Variants in METTL3 observed in about 807,000 individuals in gnomAD.
The protein encoded by METTL3 is N(6)-adenosine-methyltransferase catalytic subunit METTL3.
METTL3 carries 42 observed loss-of-function variants against 64.3 expected under a neutral mutation model. The ratio of observed to expected loss-of-function variants is 0.65; its 90% CI spans 0.51 to 0.84. The LOEUF (loss-of-function observed/expected upper bound fraction) is 0.84. Among genes scored for constraint, METTL3 ranks in the 40% least tolerant of loss-of-function variants. The probability of loss-of-function intolerance (pLI) is 0.00; values close to 1 mark genes in which losing one functional copy is unlikely to be tolerated. For synonymous variants in METTL3, 256 were observed against 263.6 expected, an observed-to-expected ratio of 0.97 and a Z score of 0.28; for missense variants, 435 against 722.3, an observed-to-expected ratio of 0.60 and a Z score of 4.56.
At position 21,503,517 on chromosome 14, in the gene METTL3, C is replaced by A; in HGVS notation, c.379G>T (p.Glu127Ter). The change falls in exon 3 of 11, where the codon GAG becomes TAG. Residue 127 changes from glutamate to a stop codon, truncating the protein, a stop_gained. Coordinates refer to ENST00000298717, the MANE Select transcript of METTL3 (RefSeq NM_019852.5). LOFTEE classifies it high-confidence loss of function. Reference protein sequence around the residue: ...ESLLQKFAAQELIEVKRGLLQ... With the variant: ...ESLLQKFAAQ Reference sequence around the variant, plus strand: ...AGACCTCGCTTTACCTCAATCAACTCCTGAGCTGCAAACTTCTGCAGGAGG... The same window carrying A: ...AGACCTCGCTTTACCTCAATCAACTACTGAGCTGCAAACTTCTGCAGGAGG... The A allele has an allele frequency of 1.9e-6, 3 of 1,612,042 alleles. No individual in the cohort carries two copies. The highest frequency in any genetic ancestry group is 2.5e-6 in the Non-Finnish European group (3 of 1,180,012).
chr14:21,498,445 C>T (rs539430422), intron 10 of METTL3, 76 bp from the exon 11 acceptor site: 1 of 1,352,120 alleles, frequency 7.4e-7, no homozygotes, highest in African/African-American at 1.4e-5. Context: ...AAATGCATAC[C>T]AAATGAAGAC....
In METTL3 at chr14:21,501,623, A is replaced by C. The variant is rs926643534; in HGVS notation, c.899+105T>G. 1.1e-4 allele frequency: 157 copies of C among 1,448,366 alleles called. 2 individuals carry two copies. In the East Asian group the frequency reaches 3.6e-3, roughly 34 times the overall value. The allele number at this position is 1,448,366 out of a possible 1,614,324, so 89.7% of individuals were successfully genotyped here. A position where few individuals can be genotyped will look rare whatever the true frequency, so the allele number is the denominator to read the frequency against. ...GTCTGGAGGACTTACACAAACCATA[A>C]ACTAAATAAGATTACAGACAGAACC... On this transcript the variant is annotated intron_variant, in intron 4 of 10. Coordinates refer to ENST00000298717, the MANE Select transcript of METTL3 (RefSeq NM_019852.5).
At position 21,499,296 on chromosome 14, in the gene METTL3, A is replaced by C. The variant is rs1891496248; in HGVS notation, c.1518+10T>G. The C allele has an allele frequency of 6.2e-7, 1 of 1,614,174 alleles. No individual in the cohort carries two copies. Among genetic ancestry groups the C allele is most frequent in the South Asian group, 1.1e-5 (1 of 91,084 alleles). On this transcript the variant is annotated intron_variant, in intron 9 of 10. Transcript: ENST00000298717. ...AATGTGGAAGCTTTGGAGGCCTGGG[A>C]AGCACATACCTCAGCTACGATCACA...
chr14:21,506,865 C>T (rs1255664837), intron 1 of METTL3, among the ~76,000 whole-genome samples: 1 of 151,932 alleles, frequency 6.6e-6, no homozygotes, highest in Non-Finnish European at 1.5e-5. Context: ...GGCGTTTTGC[C>T]CAAAAAATAC....
chr14:21,511,326 G>A lies in METTL3; in HGVS notation c.-103C>T, dbSNP rs71410280. The A allele has an allele frequency of 1.6e-5, 23 of 1,476,322 alleles. No individual in the cohort carries two copies. Among genetic ancestry groups the A allele is most frequent in the African/African-American group, 9.9e-5 (7 of 70,406 alleles). The allele number at this position is 1,476,322 out of a possible 1,614,324, so 91.5% of individuals were successfully genotyped here. On this transcript the variant is annotated 5_prime_UTR_variant, in exon 1 of 11. Coordinates refer to ENST00000298717, the MANE Select transcript of METTL3 (RefSeq NM_019852.5). ...CCAATTCTCACGCGGACACCCCGAA[G>A]GCTAACCGGAAAATGACCCCTGGAG...
At chr14:21,506,926 AC>A (rs1304890432) in intron 1 of METTL3, among the ~76,000 whole-genome samples, 1 of 152,128 alleles carries the variant, frequency 6.6e-6, no homozygotes, top group African/African-American at 2.4e-5. Context: ...TACAACAAGC[AC>A]CTGCCACCAC....
chr14:21,500,883 T>G (rs1891550919), intron 5 of METTL3, 30 bp downstream of exon 5: 1 of 1,598,838 alleles, frequency 6.3e-7, no homozygotes. Context: ...AGTCCGTAAG[T>G]TGAGACGAGT....
At chr14:21,509,061 C>T (rs1891767188) in intron 1 of METTL3, among the ~76,000 whole-genome samples, 1 of 152,080 alleles carries the variant, frequency 6.6e-6, no homozygotes, top group South Asian at 2.1e-4. Flanking sequence ...TTTTGTAGGC[C>T]AGGCATGGTG....
intron 1 of METTL3, chr14:21,504,964 A>G (rs546321813): frequency 6.6e-6 from 1 of 152,104 alleles, no homozygotes; most frequent in Non-Finnish European, 1.5e-5. Context: ...TAAATAATTC[A>G]TTAATTTGAA....
intron 3 of METTL3, chr14:21,502,957 T>C (rs1357554100): frequency 5.4e-6 from 3 of 555,518 alleles, no homozygotes; most frequent in Non-Finnish European, 9.5e-6. Flanking sequence ...ACAACATCCC[T>C]GGCCTCTACC....
At chr14:21,509,158 G>A (rs1419132078) in intron 1 of METTL3, among the ~76,000 whole-genome samples, 1 of 151,806 alleles carries the variant, frequency 6.6e-6, no homozygotes, top group South Asian at 2.1e-4. Context: ...TGGGCAACAT[G>A]GTGAAACCCC....
At chr14:21,505,520 T>C (rs1385395179) in intron 1 of METTL3, among the ~76,000 whole-genome samples, 1 of 152,186 alleles carries the variant, frequency 6.6e-6, no homozygotes, top group Non-Finnish European at 1.5e-5. Flanking sequence ...ATATTAGAGC[T>C]GAAAATACCT....
In METTL3 at chr14:21,511,289, T is replaced by C; in HGVS notation, c.-66A>G. The C allele has an allele frequency of 1.3e-6, 2 of 1,558,662 alleles. No individual in the cohort carries two copies. Among genetic ancestry groups the C allele is most frequent in the Non-Finnish European group, 1.7e-6 (2 of 1,151,860 alleles). On this transcript the variant is annotated 5_prime_UTR_variant, in exon 1 of 11. Coordinates refer to ENST00000298717, the MANE Select transcript of METTL3 (RefSeq NM_019852.5). ...CGGACTAGCACCTCCCAGCACTCGCTCCAGGATATAGCCAATTCTCACGCG... is the reference window on the plus strand; with the variant it reads ...CGGACTAGCACCTCCCAGCACTCGCCCCAGGATATAGCCAATTCTCACGCG...
At chr14:21,500,885 G>A in intron 5 of METTL3, 28 bp downstream of exon 5, 1 of 1,599,316 alleles carries the variant, frequency 6.3e-7, no homozygotes, top group Non-Finnish European at 8.6e-7. Flanking sequence ...TCCGTAAGTT[G>A]AGACGAGTTT....
At chr14:21,501,191 T>G in intron 4 of METTL3, 62 bp from the exon 5 acceptor site, 1 of 1,268,138 alleles carries the variant, frequency 7.9e-7, no homozygotes, top group Non-Finnish European at 1.1e-6. Flanking sequence ...CAGTTCAAAT[T>G]CCAAATGATT....
In METTL3 at chr14:21,503,597, A is replaced by G. The variant is rs1444576793; in HGVS notation, c.319-20T>C. 3 of 1,613,164 alleles carry G rather than the reference A, an allele frequency of 1.9e-6. No individual in the cohort carries two copies. The highest frequency in any genetic ancestry group is 1.7e-5 in the Admixed American group (1 of 59,996). ...ATCTGGCTAGAGAACGAGGGGAGGT[A>G]TGGGCAATAAGACACTGACCGTGAA... On this transcript the variant is annotated intron_variant, in intron 2 of 10. Transcript: ENST00000298717.
At chr14:21,508,842 C>T (rs546710152) in intron 1 of METTL3, among the ~76,000 whole-genome samples, 1 of 152,254 alleles carries the variant, frequency 6.6e-6, no homozygotes, top group African/African-American at 2.4e-5. Context: ...TGCGGTGAGC[C>T]AAGATCGCGC....
At chr14:21,501,984 CATTA>C (rs1891579565) in intron 3 of METTL3, 81 bp from the exon 4 acceptor site, 1 of 1,043,206 alleles carries the variant, frequency 9.6e-7, no homozygotes, top group Non-Finnish European at 1.4e-6. Flanking sequence ...TTCTTTTTGA[CATTA>C]ATGTCTTCTA....
In METTL3 at chr14:21,503,360, C is replaced by T. The variant is rs548168244; in HGVS notation, c.536G>A (p.Arg179His). ...TACTGTAGTCGAGTCCTGTTCTGCA[C>T]GCCGCTTCTGCCCTGTGACAGTCCC... ...VAGTVTGQKR[R>H]AEQDSTTVAA... Residue 179 changes from arginine (R) to histidine (H), a missense_variant, in exon 3 of 11, where the codon CGT becomes CAT. Coordinates refer to ENST00000298717, the MANE Select transcript of METTL3 (RefSeq NM_019852.5). 132 of 1,614,174 alleles carry T rather than the reference C, an allele frequency of 8.2e-5. 1 individual carries two copies. The South Asian group carries it at 1.1e-3, about 13-fold the overall frequency.
Sources: allele counts gnomAD v4.1 joint callset (sites outside exome capture counted in the v4.1 genomes callset), GRCh38; gene constraint gnomAD v4.1.1; transcripts MANE v1.5; gene names NCBI Gene and HGNC (gene_info 2026-07-23, HGNC 2026-07-21).